The following TAF3 variants were observed in gnomAD, a reference collection of about 807,000 sequenced individuals.
TAF3 encodes transcription initiation factor TFIID subunit 3.
TAF3 carries 7 observed loss-of-function variants against 80.6 expected under a neutral mutation model. That is an observed-to-expected ratio of 0.09 (90% CI 0.05 to 0.16). The LOEUF is 0.16. TAF3 is among the 10% of genes least tolerant of loss of function. The pLI, the probability that TAF3 is intolerant of heterozygous loss-of-function variation, is 1.00. For synonymous variants in TAF3, 444 were observed against 446.1 expected (o/e 1.00, Z 0.06); for missense variants, 921 against 1,140.2 (o/e 0.81, Z 2.77).
chr10:7,861,962 A>G (rs1314911417), intron 2 of TAF3, among the ~76,000 whole-genome samples: 3 of 152,224 alleles, frequency 2.0e-5, no homozygotes, highest in Non-Finnish European at 2.9e-5. Flanking sequence ...CCATAGAGTC[A>G]CTGATGTTCT....
chr10:7,818,959 G>C, intron 1 of TAF3, 84 bp downstream of exon 1: 1 of 1,283,414 alleles, frequency 7.8e-7, no homozygotes, highest in Non-Finnish European at 1.0e-6. Flanking sequence ...CGCGTCCCCG[G>C]GGTGTGCATC....
At chr10:7,842,380 G>A (rs889296020) in intron 2 of TAF3, among the ~76,000 whole-genome samples, 1 of 151,836 alleles carries the variant, frequency 6.6e-6, no homozygotes, top group Non-Finnish European at 1.5e-5. Context: ...GGCTGGTCTT[G>A]AACTGCAAGG....
chr10:7,972,899 A>G (rs1227001797), intron 3 of TAF3, among the ~76,000 whole-genome samples: 1 of 152,196 alleles, frequency 6.6e-6, no homozygotes, highest in Non-Finnish European at 1.5e-5. Flanking sequence ...TCTCACAAAT[A>G]TTTATCATAA....
chr10:7,904,388 T>C (rs1273007990), intron 2 of TAF3, among the ~76,000 whole-genome samples: 3 of 152,204 alleles, frequency 2.0e-5, no homozygotes, highest in Non-Finnish European at 2.9e-5. Context: ...TATTTTTTTC[T>C]TTAAGGCCTG....
intron 2 of TAF3, among the ~76,000 whole-genome samples, chr10:7,909,849 G>C (rs1398074750): frequency 1.3e-5 from 2 of 152,136 alleles, no homozygotes; most frequent in Non-Finnish European, 2.9e-5. Context: ...GGTAGTGATG[G>C]TTACAGAAGT....
intron 2 of TAF3, among the ~76,000 whole-genome samples, chr10:7,825,146 C>G (rs1724165266): frequency 6.6e-6 from 1 of 152,130 alleles, no homozygotes; most frequent in Admixed American, 6.5e-5. Context: ...AGATGTTGAT[C>G]ACTAAGTTCA....
Position 7,818,718 on chromosome 10 carries a change from G to A in TAF3, c.9G>A (p.Glu3=), listed in dbSNP as rs1836656764. 1 of 1,605,858 alleles carries A rather than the reference G, an allele frequency of 6.2e-7. No homozygotes were observed. The highest frequency in any genetic ancestry group is 1.3e-5 in the African/African-American group (1 of 74,192). The change falls in exon 1 of 7, where the codon GAG becomes GAA. Residue 3 remains glutamate (E), a synonymous_variant. Coordinates refer to ENST00000344293, the MANE Select transcript of TAF3 (RefSeq NM_031923.4). MC[E]SYSRSLLRVS... is the part of the protein sequence containing the mutation. ...GGCGTCCACGCAGCGGGATGTGCGAGAGTTACTCCAGGTCGTTGTTGAGGG... is the reference window on the plus strand; with the variant it reads ...GGCGTCCACGCAGCGGGATGTGCGAAAGTTACTCCAGGTCGTTGTTGAGGG...
rs560332251 is a variant in TAF3 at position 7,842,410 on chromosome 10, T to A, written c.409+17850T>A. Reference sequence around the variant, plus strand: ...GCAAGGCTCAACCAGTCTTCCAGCGTTGGCCTCCCAAAGTGCTGGGATTAC... The same window carrying A: ...GCAAGGCTCAACCAGTCTTCCAGCGATGGCCTCCCAAAGTGCTGGGATTAC... On this transcript the variant is annotated intron_variant, in intron 2 of 6. Coordinates refer to ENST00000344293, the MANE Select transcript of TAF3 (RefSeq NM_031923.4). 1.8e-3 allele frequency among the ~76,000 whole-genome samples: 281 copies of A among 152,238 alleles called. 2 individuals carry two copies. Among genetic ancestry groups the A allele is most frequent in the Non-Finnish European group, 3.1e-3 (210 of 68,016 alleles).
chr10:7,983,699 C>T (rs1053217555), intron 4 of TAF3, among the ~76,000 whole-genome samples: 1 of 152,042 alleles, frequency 6.6e-6, no homozygotes, highest in Non-Finnish European at 1.5e-5. Flanking sequence ...ATGAGCTGGA[C>T]GTAGTGGCGT....
chr10:7,942,721 CA>C (rs1837987405), intron 2 of TAF3, among the ~76,000 whole-genome samples: 2 of 152,188 alleles, frequency 1.3e-5, no homozygotes, highest in Non-Finnish European at 2.9e-5. Context: ...GGCCCCATCC[CA>C]AGTGGGCAGC....
rs1448707295 is a variant in TAF3, at chr10:7,871,337, CAGAAATATTTATTGGATTAA to C, written c.409+46789_409+46808del. 4.1e-5 allele frequency among the ~76,000 whole-genome samples: 6 copies of C among 147,568 alleles called. No homozygotes were observed. In the East Asian group the frequency reaches 1.2e-3, roughly 29 times the overall value. ...TTGTTCCTAAAACCAGATATTCTTA[CAGAAATATTTATTGGATTAA>C]AGAAATATTTACTGGTTAAAATAAA... is the stretch of plus-strand genomic sequence containing the variant. On this transcript the variant is annotated intron_variant, in intron 2 of 6. Coordinates refer to ENST00000344293, the MANE Select transcript of TAF3 (RefSeq NM_031923.4).
At chr10:7,934,727 G>A (rs1837900263) in intron 2 of TAF3, among the ~76,000 whole-genome samples, 1 of 152,124 alleles carries the variant, frequency 6.6e-6, no homozygotes, top group Admixed American at 6.5e-5. Flanking sequence ...TTACAGGTGT[G>A]AGCCACTGCA....
intron 2 of TAF3, among the ~76,000 whole-genome samples, chr10:7,848,640 A>G (rs1200094324): frequency 6.6e-6 from 1 of 152,188 alleles, no homozygotes; most frequent in African/African-American, 2.4e-5. Flanking sequence ...AGGATTTCTT[A>G]AAGTTCAGCC....
intron 2 of TAF3, among the ~76,000 whole-genome samples, chr10:7,831,212 A>AT (rs1465309858): frequency 2.6e-5 from 4 of 152,032 alleles, no homozygotes; most frequent in South Asian, 2.1e-4. Flanking sequence ...TTAACGCTTG[A>AT]TTTTTTTCAT....
chr10:7,963,810 A>C, intron 2 of TAF3, 110 bp from the exon 3 acceptor site: 1 of 1,159,270 alleles, frequency 8.6e-7, no homozygotes, highest in Non-Finnish European at 1.2e-6. Context: ...AAGTATAATA[A>C]TAAAAAAGAA....
At chr10:7,946,426 A>G (rs1341090198) in intron 2 of TAF3, among the ~76,000 whole-genome samples, 1 of 152,138 alleles carries the variant, frequency 6.6e-6, no homozygotes, top group Non-Finnish European at 1.5e-5. Context: ...GCTTCATTCT[A>G]TTTAAGAAGG....
intron 3 of TAF3, among the ~76,000 whole-genome samples, chr10:7,974,847 G>A (rs940453829): frequency 3.9e-5 from 6 of 152,140 alleles, no homozygotes; most frequent in Middle Eastern, 3.4e-3. Flanking sequence ...AGGTCGAGGC[G>A]GGCGGATCAC....
intron 2 of TAF3, among the ~76,000 whole-genome samples, chr10:7,851,065 A>T (rs1018185417): frequency 1.3e-5 from 2 of 152,244 alleles, no homozygotes; most frequent in Admixed American, 6.5e-5. Flanking sequence ...AATAATAAAC[A>T]TAACAAATAA....
chr10:7,897,711 G>A (rs1837518730), intron 2 of TAF3, among the ~76,000 whole-genome samples: 1 of 148,664 alleles, frequency 6.7e-6, no homozygotes, highest in Non-Finnish European at 1.5e-5. Flanking sequence ...CCCAGGTTGA[G>A]TGCAGTGGTG....
Sources: gnomAD v4.1 joint callset for allele counts (sites outside exome capture counted in the v4.1 genomes callset) on GRCh38, gnomAD v4.1.1 for gene constraint, MANE v1.5 for transcripts, NCBI Gene and HGNC (gene_info 2026-07-23, HGNC 2026-07-21) for gene names.